Variants in KSR1 observed in about 807,000 individuals in gnomAD.
KSR1 encodes the protein kinase suppressor of ras 1, also known as kinase suppressor of ras.
Under a neutral mutation model 92.9 loss-of-function variants are expected in KSR1, and 35 were observed. That is an observed-to-expected ratio of 0.38 (90% CI 0.29 to 0.50). The LOEUF is 0.50. KSR1 is among the 20% of genes least tolerant of loss of function. KSR1 has a pLI of 0.94. For missense variants in KSR1, 972 were observed against 1,158.5 expected (o/e 0.84, Z 2.34); for synonymous variants, 467 against 472.6 (o/e 0.99, Z 0.15).
chr17:27,505,019 A>G (rs1163102646), intron 1 of KSR1, among the ~76,000 whole-genome samples: 1 of 152,178 alleles, frequency 6.6e-6, no homozygotes, highest in Non-Finnish European at 1.5e-5. Flanking sequence ...AAAGCCAGGG[A>G]AAGATGCCCT....
chr17:27,481,631 G>A (rs368881986), intron 1 of KSR1, among the ~76,000 whole-genome samples: 2 of 152,140 alleles, frequency 1.3e-5, no homozygotes, highest in African/African-American at 2.4e-5. Context: ...GGGGCCACCT[G>A]CACTTATATA....
At chr17:27,482,014 G>A (rs969788214) in intron 1 of KSR1, among the ~76,000 whole-genome samples, 5 of 152,204 alleles carry the variant, frequency 3.3e-5, no homozygotes, top group Non-Finnish European at 7.3e-5. Flanking sequence ...GAGGGCAACA[G>A]CTTCTCTCTG....
At chr17:27,509,492 T>C (rs2069519385) in intron 1 of KSR1, among the ~76,000 whole-genome samples, 1 of 151,920 alleles carries the variant, frequency 6.6e-6, no homozygotes, top group African/African-American at 2.4e-5. Context: ...GGTTTCACCA[T>C]GTTAGTCAGG....
intron 1 of KSR1, among the ~76,000 whole-genome samples, chr17:27,470,233 T>C (rs1376368350): frequency 6.7e-6 from 1 of 150,046 alleles, no homozygotes; most frequent in African/African-American, 2.5e-5. Flanking sequence ...GTTTTGTTTT[T>C]GTTTGTGTTT....
At chr17:27,578,001 T>G in intron 3 of KSR1, 1 of 379,604 alleles carries the variant, frequency 2.6e-6, no homozygotes. Flanking sequence ...CCTGTCCCCA[T>G]TGCTGGCTGG....
At chr17:27,543,833 C>G (rs1458939145) in intron 1 of KSR1, among the ~76,000 whole-genome samples, 1 of 152,190 alleles carries the variant, frequency 6.6e-6, no homozygotes, top group Non-Finnish European at 1.5e-5. Flanking sequence ...GGGTACAGGT[C>G]TTGGCCGTCT....
At chr17:27,458,627 T>G (rs995267480) in intron 1 of KSR1, among the ~76,000 whole-genome samples, 1 of 152,172 alleles carries the variant, frequency 6.6e-6, no homozygotes, top group Non-Finnish European at 1.5e-5. Context: ...GTGGCTTCCC[T>G]CCTGAGTGTT....
Position 27,611,200 on chromosome 17 carries a change from A to G in KSR1, c.2358-294A>G, listed in dbSNP as rs1200493185. ...ACTGAGGTGAAGCAGTTTTACTGGG[A>G]TCTTGCAGCTAGAAGGTGGCAGAGC... On this transcript the variant is annotated intron_variant, in intron 17 of 20. Transcript: ENST00000644974. The G allele has an allele frequency of 6.2e-5, 24 of 389,594 alleles. No individual in the cohort carries two copies. The East Asian group carries it at 9.1e-4, about 15-fold the overall frequency. The allele number at this position is 389,594 out of a possible 1,614,324, so 24.1% of individuals were successfully genotyped here. A position where few individuals can be genotyped will look rare whatever the true frequency, so the allele number is the denominator to read the frequency against.
Position 27,562,037 on chromosome 17 carries a change from G to C in KSR1, c.372+11329G>C, listed in dbSNP as rs1484342605. Reference sequence around the variant, plus strand: ...ATTTTTGTATTTTTAGTAGAGACGGGTTTTTTCCATGTTGGCCAGGCTAGT... The same window carrying C: ...ATTTTTGTATTTTTAGTAGAGACGGCTTTTTTCCATGTTGGCCAGGCTAGT... On this transcript the variant is annotated intron_variant, in intron 2 of 20. Transcript: ENST00000644974. Among the ~76,000 whole-genome samples, 9 of 152,242 alleles carry C rather than the reference G, an allele frequency of 5.9e-5. No individual in the cohort carries two copies. In the East Asian group the frequency reaches 1.7e-3, roughly 29 times the overall value.
At chr17:27,585,704 G>C in intron 5 of KSR1, 43 bp downstream of exon 5, 1 of 750,134 alleles carries the variant, frequency 1.3e-6, no homozygotes, top group Non-Finnish European at 2.5e-6. Flanking sequence ...CCTGGGAGTC[G>C]TGTGTGCGTT....
intron 1 of KSR1, among the ~76,000 whole-genome samples, chr17:27,457,178 C>T (rs542047538): frequency 5.7e-4 from 87 of 152,106 alleles, no homozygotes; most frequent in African/African-American, 2.0e-3. Context: ...TTCCAGTTTG[C>T]GGGGCCGCAG....
At chr17:27,473,714 A>C (rs1317214043) in intron 1 of KSR1, among the ~76,000 whole-genome samples, 1 of 152,178 alleles carries the variant, frequency 6.6e-6, no homozygotes, top group Non-Finnish European at 1.5e-5. Context: ...AAAGAAGGTG[A>C]CGAGTCCCTG....
intron 9 of KSR1, among the ~76,000 whole-genome samples, chr17:27,594,934 G>C (rs937614461): frequency 2.0e-5 from 3 of 152,168 alleles, no homozygotes; most frequent in African/African-American, 7.2e-5. Context: ...CTGAAAGGTT[G>C]GATCATTTGT....
chr17:27,516,363 G>A (rs2151011820), intron 1 of KSR1, among the ~76,000 whole-genome samples: 1 of 152,276 alleles, frequency 6.6e-6, no homozygotes, highest in African/African-American at 2.4e-5. Flanking sequence ...TAACACTGAT[G>A]TGGGATTGGG....
intron 1 of KSR1, among the ~76,000 whole-genome samples, chr17:27,501,476 C>T (rs1202325530): frequency 6.6e-6 from 1 of 151,812 alleles, no homozygotes; most frequent in Non-Finnish European, 1.5e-5. Flanking sequence ...ATTGCAGAGA[C>T]CTTCGTGGCA....
At chr17:27,515,598 G>A (rs907008167) in intron 1 of KSR1, among the ~76,000 whole-genome samples, 12 of 150,678 alleles carry the variant, frequency 8.0e-5, no homozygotes, top group African/African-American at 2.7e-4. Flanking sequence ...TTAAATCTTG[G>A]GTCTGCTTCG....
chr17:27,564,055 C>T (rs559033030), intron 2 of KSR1, among the ~76,000 whole-genome samples: 1 of 119,028 alleles, frequency 8.4e-6, no homozygotes, highest in Non-Finnish European at 1.6e-5. Flanking sequence ...ATGGCACGAT[C>T]TCGGCTCACT....
At chr17:27,493,385 G>A (rs1173369043) in intron 1 of KSR1, among the ~76,000 whole-genome samples, 4 of 152,136 alleles carry the variant, frequency 2.6e-5, no homozygotes, top group East Asian at 1.9e-4. Flanking sequence ...GTGAAACACC[G>A]GGGTCAGGCA....
At chr17:27,495,760 C>A (rs979588604) in intron 1 of KSR1, among the ~76,000 whole-genome samples, 1 of 152,262 alleles carries the variant, frequency 6.6e-6, no homozygotes, top group Non-Finnish European at 1.5e-5. Flanking sequence ...GAGTTGATGG[C>A]GGGTCTACAG....
Sources: gnomAD v4.1 joint callset for allele counts (sites outside exome capture counted in the v4.1 genomes callset) on GRCh38, gnomAD v4.1.1 for gene constraint, MANE v1.5 for transcripts, NCBI Gene and HGNC (gene_info 2026-07-23, HGNC 2026-07-21) for gene names.